Variants in MATN2 observed in about 807,000 individuals in gnomAD.
MATN2 encodes the protein matrilin 2.
MATN2 carries 69 observed loss-of-function variants against 103.2 expected under a neutral mutation model. The ratio of observed to expected loss-of-function variants is 0.67; its 90% CI spans 0.55 to 0.82. The LOEUF (loss-of-function observed/expected upper bound fraction) is 0.82, where lower values mean the gene tolerates loss of function less well. Ranked by LOEUF, MATN2 falls within the 40% of genes least tolerant of loss-of-function variation. The pLI, the probability that MATN2 is intolerant of heterozygous loss-of-function variation, is 0.00. For synonymous variants in MATN2, 429 were observed against 450.2 expected (o/e 0.95, Z 0.60); for missense variants, 1,023 against 1,211.5 (o/e 0.84, Z 2.31).
chr8:97,988,881 G>A (rs1812292033), intron 6 of MATN2, among the ~76,000 whole-genome samples: 1 of 151,834 alleles, frequency 6.6e-6, no homozygotes, highest in African/African-American at 2.4e-5. Flanking sequence ...AGAAAAGAAA[G>A]ACATAAAAAA....
chr8:97,935,685 A>G (rs751051576), intron 3 of MATN2, among the ~76,000 whole-genome samples: 1 of 152,096 alleles, frequency 6.6e-6, no homozygotes, highest in Non-Finnish European at 1.5e-5. Context: ...ACAATGTCTT[A>G]CTATGTTGCC....
Position 98,033,584 on chromosome 8 carries a change from G to A in MATN2, c.2740G>A (p.Asp914Asn), listed in dbSNP as rs770743517. ...AGGAAGCCCTTTGGAAGAAAAACAC[G>A]ATCAATGCAAATGTGAAAACCTTAT... ...PSGSPLEEKH[D>N]QCKCENLIMF... The change falls in exon 18 of 19, where the codon GAT becomes AAT. Residue 914 changes from aspartate to asparagine, a missense_variant. Coordinates refer to ENST00000254898, the MANE Select transcript of MATN2 (RefSeq NM_002380.5). 6.3e-6 allele frequency: 10 copies of A among 1,597,986 alleles called. No homozygotes were observed. The African/African-American group carries it at 6.7e-5, about 11-fold the overall frequency.
chr8:98,015,380 G>C (rs1159283452), intron 10 of MATN2, among the ~76,000 whole-genome samples: 1 of 152,032 alleles, frequency 6.6e-6, no homozygotes, highest in African/African-American at 2.4e-5. Flanking sequence ...TTTCAGATCT[G>C]ACCCCCACTG....
At chr8:97,950,111 C>A (rs897790386) in intron 4 of MATN2, among the ~76,000 whole-genome samples, 3 of 151,950 alleles carry the variant, frequency 2.0e-5, no homozygotes, top group African/African-American at 7.3e-5. Flanking sequence ...TTGATAAGCC[C>A]GATTTATCAA....
At chr8:97,922,887 C>T (rs1023176326) in intron 2 of MATN2, among the ~76,000 whole-genome samples, 2 of 152,296 alleles carry the variant, frequency 1.3e-5, no homozygotes, top group African/African-American at 4.8e-5. Context: ...CATTGTATCC[C>T]GTTATTGTGT....
intron 5 of MATN2, among the ~76,000 whole-genome samples, chr8:97,962,032 T>C (rs182511194): frequency 2.4e-4 from 37 of 152,290 alleles, no homozygotes; most frequent in Admixed American, 2.4e-3. Flanking sequence ...GACGGCGTGG[T>C]CAGAGGAAAC....
At chr8:98,028,075 G>C (rs1203799208) in intron 14 of MATN2, among the ~76,000 whole-genome samples, 1 of 152,176 alleles carries the variant, frequency 6.6e-6, no homozygotes, top group African/African-American at 2.4e-5. Context: ...CCACAGGCGG[G>C]TATCCTCTCA....
intron 2 of MATN2, among the ~76,000 whole-genome samples, chr8:97,900,139 C>G (rs1166058835): frequency 6.6e-6 from 1 of 152,172 alleles, no homozygotes; most frequent in African/African-American, 2.4e-5. Context: ...TTCAGTATAT[C>G]CAGGGGAGGC....
intron 2 of MATN2, among the ~76,000 whole-genome samples, chr8:97,907,252 C>A (rs542209310): frequency 6.6e-6 from 1 of 150,974 alleles, no homozygotes; most frequent in Admixed American, 6.6e-5. Context: ...CTGCCTGCCT[C>A]GGCCCCTTAA....
chr8:97,924,975 A>C (rs1165138389), intron 2 of MATN2, among the ~76,000 whole-genome samples: 1 of 152,168 alleles, frequency 6.6e-6, no homozygotes, highest in Non-Finnish European at 1.5e-5. Context: ...TCTACTTCCT[A>C]GTGATAAAAG....
At position 97,994,484 on chromosome 8, in the gene MATN2, A is replaced by G. The variant is rs1812500875; in HGVS notation, c.1086A>G (p.Ile362Met). ...LNPDKKTCTK[I>M]DYCASSNHGC... ...GTGATTTTTCCTTCTTGCCAGAGAT[A>G]GACTACTGTGCCTCATCTAATCACG... The change falls in exon 7 of 19, where the codon ATA becomes ATG. Residue 362 changes from isoleucine (I) to methionine (M), a missense_variant. Coordinates refer to ENST00000254898, the MANE Select transcript of MATN2 (RefSeq NM_002380.5). 6.2e-7 allele frequency: 1 copy of G among 1,605,682 alleles called. No individual in the cohort carries two copies. Among genetic ancestry groups the G allele is most frequent in the Non-Finnish European group, 8.5e-7 (1 of 1,177,494 alleles).
chr8:98,034,059 A>C (rs897642106), intron 18 of MATN2: 5 of 420,274 alleles, frequency 1.2e-5, no homozygotes, highest in Non-Finnish European at 2.4e-5. Flanking sequence ...GAGGTTTCAA[A>C]CTCAGTACTC....
rs955043061 is a variant in MATN2 at position 97,993,838 on chromosome 8, G to A, written c.1082-642G>A. Among the ~76,000 whole-genome samples, 11 of 152,110 alleles carry A rather than the reference G, an allele frequency of 7.2e-5. No homozygotes were observed. The South Asian group carries it at 8.3e-4, about 11-fold the overall frequency. On this transcript the variant is annotated intron_variant, in intron 6 of 18. Transcript: ENST00000254898. ...TTAATTGTTTTAATTGCTTAAATTC[G>A]ATAAAACACTCAGCTAAACCATTCT...
At chr8:97,999,451 T>C (rs1046181935) in intron 7 of MATN2, among the ~76,000 whole-genome samples, 11 of 152,182 alleles carry the variant, frequency 7.2e-5, no homozygotes, top group Admixed American at 6.5e-4. Flanking sequence ...TCCCTGATGG[T>C]GTAATGGAGT....
intron 11 of MATN2, among the ~76,000 whole-genome samples, 185 bp downstream of exon 11, chr8:98,016,847 T>TAA (rs1813381428): frequency 1.3e-5 from 2 of 152,158 alleles, no homozygotes; most frequent in Non-Finnish European, 2.9e-5. Context: ...TAAATGTCAA[T>TAA]AAAATATAGA....
intron 2 of MATN2, among the ~76,000 whole-genome samples, chr8:97,916,839 C>CT (rs1809648126): frequency 6.6e-6 from 1 of 152,182 alleles, no homozygotes; most frequent in Non-Finnish European, 1.5e-5. Context: ...TGTCCAGGGT[C>CT]TGGAAACCAC....
chr8:98,026,852 A>G (rs1813826110), intron 13 of MATN2, among the ~76,000 whole-genome samples: 1 of 152,194 alleles, frequency 6.6e-6, no homozygotes, highest in Admixed American at 6.5e-5. Context: ...CACTATTGCA[A>G]TCCTGCTATG....
At chr8:97,967,555 T>C (rs1811523352) in intron 5 of MATN2, among the ~76,000 whole-genome samples, 1 of 152,182 alleles carries the variant, frequency 6.6e-6, no homozygotes, top group Admixed American at 6.5e-5. Context: ...AATAGGACCA[T>C]ACAACTTTGA....
rs560791127 is a variant in MATN2, at chr8:97,964,212, G to A, written c.958+2682G>A. On this transcript the variant is annotated intron_variant, in intron 5 of 18. Transcript: ENST00000254898. ...TTACAGTGAAAAGGCCAAACTGAAA[G>A]TTAACCAGGTGGCCTAACCTGAGGG... Among the ~76,000 whole-genome samples, 4 of 152,256 alleles carry A rather than the reference G, an allele frequency of 2.6e-5. No homozygotes were observed. The South Asian group carries it at 8.3e-4, about 32-fold the overall frequency.
Sources: allele counts gnomAD v4.1 joint callset (sites outside exome capture counted in the v4.1 genomes callset), GRCh38; gene constraint gnomAD v4.1.1; transcripts MANE v1.5; gene names NCBI Gene and HGNC (gene_info 2026-07-23, HGNC 2026-07-21).